EI24: variants seen among roughly 807,000 people sequenced by gnomAD.
EI24 encodes etoposide-induced protein 2.4 homolog.
EI24 carries 21 observed loss-of-function variants against 48.6 expected under a neutral mutation model. The observed-to-expected ratio is 0.43, with a 90% CI of 0.31 to 0.62. The LOEUF (loss-of-function observed/expected upper bound fraction) is 0.62. EI24 is among the 20% of genes least tolerant of loss of function. The pLI is 0.10. For missense variants in EI24, 280 were observed against 410.5 expected (o/e 0.68, Z 2.75); for synonymous variants, 114 against 145.5 (o/e 0.78, Z 1.56).
chr11:125,579,383 C>T (rs1938892689), intron 7 of EI24, among the ~76,000 whole-genome samples: 1 of 149,304 alleles, frequency 6.7e-6, no homozygotes. Flanking sequence ...ACAGACGGGT[C>T]GGCTGGGCGC....
Position 125,584,245 on chromosome 11 carries a change from A to T in EI24, c.*562A>T, listed in dbSNP as rs1381927487. ...GCTCCACTGCAAAAAAAAAAAAAAA[A>T]AAAAAAAAAAAAAAAAAGCCTGAAG... On this transcript the variant is annotated 3_prime_UTR_variant, in exon 11 of 11. Transcript: ENST00000278903. 4.1e-4 allele frequency: 60 copies of T among 147,086 alleles called. No homozygotes were observed. Among genetic ancestry groups the T allele is most frequent in the African/African-American group, 1.2e-3 (46 of 37,836 alleles). 9.1% of individuals were successfully genotyped at this position (147,086 alleles called of 1,614,324 possible).
intron 4 of EI24, 75 bp from the exon 5 acceptor site, chr11:125,577,429 T>C: frequency 7.1e-7 from 1 of 1,418,120 alleles, no homozygotes; most frequent in Non-Finnish European, 9.9e-7. Context: ...ATCTATAAAA[T>C]CATTACACTA....
rs1292012906 is a variant in EI24 at position 125,572,445 on chromosome 11, C to T, written c.-70-13C>T. 1.6e-5 allele frequency: 20 copies of T among 1,287,956 alleles called. No individual in the cohort carries two copies. Among genetic ancestry groups the T allele is most frequent in the East Asian group, 2.3e-5 (1 of 43,168 alleles). The allele number at this position is 1,287,956 out of a possible 1,614,324, so 79.8% of individuals were successfully genotyped here. On this transcript the variant is annotated splice_polypyrimidine_tract_variant and intron_variant, in intron 1 of 10. Transcript: ENST00000278903. ...ATAAATATTTGCCTCCATTATGTTCCATCTGTTTCCAGATCCTTCATGATG... is the reference window on the plus strand; with the variant it reads ...ATAAATATTTGCCTCCATTATGTTCTATCTGTTTCCAGATCCTTCATGATG...
At chr11:125,578,511 G>A (rs1454138687) in intron 6 of EI24, among the ~76,000 whole-genome samples, 1 of 118,016 alleles carries the variant, frequency 8.5e-6, no homozygotes, top group East Asian at 2.6e-4. Context: ...TTTTGAGACA[G>A]TCTCACTCTG....
rs761679321 is a variant in EI24 at position 125,583,733 on chromosome 11, G to A, written c.*50G>A. On this transcript the variant is annotated 3_prime_UTR_variant, in exon 11 of 11. Coordinates refer to ENST00000278903, the MANE Select transcript of EI24 (RefSeq NM_004879.5). The stretch of plus-strand genomic sequence containing the variant: ...GGCGGGATTGGAAGAAGCTGTGGCA[G>A]CTCTTTTCCCTGTTCACCTCCCGCC... The A allele has an allele frequency of 1.3e-6, 2 of 1,584,732 alleles. No homozygotes were observed. Among genetic ancestry groups the A allele is most frequent in the Admixed American group, 3.6e-5 (2 of 55,408 alleles).
At chr11:125,575,622 G>A (rs550495104) in intron 3 of EI24, among the ~76,000 whole-genome samples, 4 of 152,262 alleles carry the variant, frequency 2.6e-5, no homozygotes, top group African/African-American at 7.2e-5. Context: ...ATAGAGAATC[G>A]CAAAATATTA....
chr11:125,579,210 T>C, intron 7 of EI24, 142 bp downstream of exon 7: 1 of 721,474 alleles, frequency 1.4e-6, no homozygotes, highest in Non-Finnish European at 1.9e-6. Flanking sequence ...TTTTAAATCT[T>C]TTTTTCCCCA....
chr11:125,576,456 G>A (rs1462608516), intron 4 of EI24, 141 bp downstream of exon 4: 11 of 786,254 alleles, frequency 1.4e-5, no homozygotes, highest in East Asian at 5.4e-5. Flanking sequence ...TCAGGAGTCT[G>A]TGCATCTGCA....
chr11:125,575,277 C>T lies in EI24; in HGVS notation c.57C>T (p.Ser19=). ...LQDLARGIKD[S]IWGICTISKL... ...CTTTTCTATAGGGAATCAAAGACTC[C>T]ATCTGGGGTATTTGTACCATCTCAA... Residue 19 remains serine, a synonymous_variant, in exon 3 of 11, where the codon TCC becomes TCT. Coordinates refer to ENST00000278903, the MANE Select transcript of EI24 (RefSeq NM_004879.5). 1 of 1,548,998 alleles carries T rather than the reference C, an allele frequency of 6.5e-7. No individual in the cohort carries two copies. Among genetic ancestry groups the T allele is most frequent in the East Asian group, 2.5e-5 (1 of 40,800 alleles).
At chr11:125,583,396 C>T in intron 10 of EI24, 125 bp from the exon 11 acceptor site, 3 of 816,478 alleles carry the variant, frequency 3.7e-6, no homozygotes, top group Non-Finnish European at 5.6e-6. Context: ...ATCTGTATTT[C>T]CTTGATCAAG....
intron 2 of EI24, among the ~76,000 whole-genome samples, chr11:125,574,075 C>A (rs1448533654): frequency 1.3e-5 from 2 of 151,946 alleles, no homozygotes; most frequent in Non-Finnish European, 2.9e-5. Flanking sequence ...CACAGCAAAA[C>A]CCCCTCTCTA....
chr11:125,572,427 T>C (rs1194004561), intron 1 of EI24, 31 bp from the exon 2 acceptor site: 13 of 1,048,288 alleles, frequency 1.2e-5, no homozygotes, highest in Non-Finnish European at 2.9e-6. Flanking sequence ...AAAATAAATA[T>C]TTGCCTCCAT....
At chr11:125,579,852 C>CA (rs1215765869) in intron 7 of EI24, among the ~76,000 whole-genome samples, 3 of 152,050 alleles carry the variant, frequency 2.0e-5, no homozygotes, top group Admixed American at 2.0e-4. Flanking sequence ...GTTGTAGAGA[C>CA]AGGGTCTCAG....
Position 125,583,718 on chromosome 11 carries a change from G to C in EI24, c.*35G>C, listed in dbSNP as rs1311627589. On this transcript the variant is annotated 3_prime_UTR_variant, in exon 11 of 11. Coordinates refer to ENST00000278903, the MANE Select transcript of EI24 (RefSeq NM_004879.5). ...CATCCAAAGGGGATGGGCGGGATTG[G>C]AAGAAGCTGTGGCAGCTCTTTTCCC... is the stretch of plus-strand genomic sequence containing the variant. The C allele has an allele frequency of 1.9e-6, 3 of 1,597,848 alleles. No individual in the cohort carries two copies. Among genetic ancestry groups the C allele is most frequent in the African/African-American group, 2.7e-5 (2 of 74,612 alleles).
At chr11:125,573,137 C>T (rs1043169975) in intron 2 of EI24, among the ~76,000 whole-genome samples, 3 of 151,884 alleles carry the variant, frequency 2.0e-5, no homozygotes, top group African/African-American at 7.3e-5. Context: ...AACTCCTGGG[C>T]TCAAGTGATC....
intron 3 of EI24, 147 bp downstream of exon 3, chr11:125,575,555 C>T: frequency 1.0e-6 from 1 of 973,750 alleles, no homozygotes; most frequent in Non-Finnish European, 1.4e-6. Context: ...TTGACTTAAA[C>T]TAGGGTCTAA....
chr11:125,571,936 A>C (rs893567234), intron 1 of EI24, among the ~76,000 whole-genome samples: 1 of 152,228 alleles, frequency 6.6e-6, no homozygotes, highest in Non-Finnish European at 1.5e-5. Flanking sequence ...ATTTCATGTC[A>C]TACCTTAAAC....
chr11:125,578,519 C>A (rs1162752720), intron 6 of EI24, among the ~76,000 whole-genome samples: 2 of 124,300 alleles, frequency 1.6e-5, no homozygotes, highest in East Asian at 2.6e-4. Context: ...CAGTCTCACT[C>A]TGTCGCCCAG....
At chr11:125,571,187 G>C (rs1035573882) in intron 1 of EI24, among the ~76,000 whole-genome samples, 2 of 152,178 alleles carry the variant, frequency 1.3e-5, no homozygotes, top group African/African-American at 4.8e-5. Context: ...CTTATATTTT[G>C]AAATTTAAGG....
Sources: gnomAD v4.1 joint callset for allele counts (sites outside exome capture counted in the v4.1 genomes callset) on GRCh38, gnomAD v4.1.1 for gene constraint, MANE v1.5 for transcripts, NCBI Gene and HGNC (gene_info 2026-07-23, HGNC 2026-07-21) for gene names.